Variants in GLRB observed in about 807,000 individuals in gnomAD.
The protein encoded by GLRB is glycine receptor subunit beta.
GLRB carries 33 observed loss-of-function variants against 54.2 expected under a neutral mutation model. The ratio of observed to expected loss-of-function variants is 0.61; its 90% confidence interval spans 0.46 to 0.81. The LOEUF (loss-of-function observed/expected upper bound fraction) is 0.81, where lower values mean the gene tolerates loss of function less well. GLRB is among the 40% of genes least tolerant of loss of function. GLRB has a pLI of 0.00. For synonymous variants in GLRB, 209 were observed against 208.2 expected, an observed-to-expected ratio of 1.00 and a Z score of -0.03; for missense variants, 572 against 584.6, an observed-to-expected ratio of 0.98 and a Z score of 0.22.
chr4:157,112,982 A>G (rs1389425694), intron 2 of GLRB, among the ~76,000 whole-genome samples: 2 of 151,944 alleles, frequency 1.3e-5, no homozygotes, highest in African/African-American at 4.8e-5. Context: ...AAAGGTGAGT[A>G]TACTGAAGCT....
intron 9 of GLRB, among the ~76,000 whole-genome samples, chr4:157,162,626 C>T (rs1216696750): frequency 1.3e-5 from 2 of 152,186 alleles, no homozygotes; most frequent in South Asian, 4.1e-4. Context: ...GCCTGGGTAT[C>T]ACCAGCGGAG....
At chr4:157,114,325 G>A in intron 2 of GLRB, among the ~76,000 whole-genome samples, 1 of 149,662 alleles carries the variant, frequency 6.7e-6, no homozygotes, top group Admixed American at 6.7e-5. Context: ...GTCTTTCCTG[G>A]TCTCTCTCTC....
intron 2 of GLRB, among the ~76,000 whole-genome samples, chr4:157,117,735 G>A (rs1221875278): frequency 6.6e-6 from 1 of 151,594 alleles, no homozygotes; most frequent in African/African-American, 2.4e-5. Context: ...AGAAGAGATG[G>A]CAGATTGGAA....
At chr4:157,136,417 C>G in intron 4 of GLRB, 52 bp from the exon 5 acceptor site, 6 of 1,065,180 alleles carry the variant, frequency 5.6e-6, no homozygotes, top group Non-Finnish European at 8.8e-6. Flanking sequence ...CGAATAAGTT[C>G]TTAAAAATAG....
intron 7 of GLRB, among the ~76,000 whole-genome samples, chr4:157,143,325 C>T (rs764859546): frequency 2.6e-5 from 4 of 151,992 alleles, no homozygotes; most frequent in South Asian, 2.1e-4. Context: ...ATATGAGAGT[C>T]AGTGTATACT....
intron 4 of GLRB, among the ~76,000 whole-genome samples, chr4:157,126,102 G>A (rs1229349579): frequency 6.6e-6 from 1 of 151,840 alleles, no homozygotes; most frequent in Non-Finnish European, 1.5e-5. Flanking sequence ...AGGAAGAGGG[G>A]CAGCCCATTT....
In GLRB at chr4:157,149,824, A is replaced by G. The variant is rs139047392; in HGVS notation, c.905-2894A>G. Among the ~76,000 whole-genome samples the G allele has an allele frequency of 2.1e-3, 319 of 151,834 alleles. 1 individual carries two copies. The highest frequency in any genetic ancestry group is 7.1e-3 in the African/African-American group (294 of 41,458). On this transcript the variant is annotated intron_variant, in intron 8 of 9. Transcript: ENST00000264428. ...AAATGCCATACTGTCTCTGCCTTCC[A>G]TTTCTTTTCTTTTCCTTTCTTTCTT...
At chr4:157,113,382 G>A (rs1027992175) in intron 2 of GLRB, among the ~76,000 whole-genome samples, 7 of 151,946 alleles carry the variant, frequency 4.6e-5, no homozygotes, top group Admixed American at 1.3e-4. Context: ...AAAGAGGTTT[G>A]GAGATCATTA....
At chr4:157,110,186 C>T (rs1010168159) in intron 2 of GLRB, among the ~76,000 whole-genome samples, 1 of 151,934 alleles carries the variant, frequency 6.6e-6, no homozygotes, top group Non-Finnish European at 1.5e-5. Context: ...TGCCAGTCAT[C>T]TTATTAGCAT....
At position 157,136,556 on chromosome 4, in the gene GLRB, A is replaced by G. The variant is rs560221872; in HGVS notation, c.385A>G (p.Thr129Ala). ...TGATTTTAGGGGTTCAGATGCACTG[A>G]CAGTGGATCCAACAATGTACAAGTG... The part of the protein sequence containing the change: ...PSDFRGSDAL[T>A]VDPTMYKCLW... The change falls in exon 5 of 10, where the codon ACA becomes GCA. Residue 129 changes from threonine to alanine, a missense_variant. Physicochemically the swap from Thr to Ala is moderately conservative, Grantham distance 58. Coordinates refer to ENST00000264428, the MANE Select transcript of GLRB (RefSeq NM_000824.5). 5 of 1,610,218 alleles carry G rather than the reference A, an allele frequency of 3.1e-6. No homozygotes were observed. The highest frequency in any genetic ancestry group is 2.7e-5 in the African/African-American group (2 of 74,968).
intron 2 of GLRB, among the ~76,000 whole-genome samples, chr4:157,111,286 T>C (rs1735410090): frequency 6.6e-6 from 1 of 152,026 alleles, no homozygotes; most frequent in Non-Finnish European, 1.5e-5. Flanking sequence ...CTGTGGCATG[T>C]CTTCATGCTA....
At chr4:157,139,214 ACT>A (rs1736522728) in intron 7 of GLRB, among the ~76,000 whole-genome samples, 1 of 151,450 alleles carries the variant, frequency 6.6e-6, no homozygotes, top group Non-Finnish European at 1.5e-5. Context: ...AGTAATGAAA[ACT>A]CTCTCAGGTA....
chr4:157,082,053 CT>C (rs1346443044), intron 2 of GLRB, among the ~76,000 whole-genome samples: 1 of 152,112 alleles, frequency 6.6e-6, no homozygotes, highest in Non-Finnish European at 1.5e-5. Context: ...TGTTTTTCTT[CT>C]TTTTAGTTAG....
intron 2 of GLRB, among the ~76,000 whole-genome samples, chr4:157,091,550 A>G (rs917171155): frequency 6.6e-5 from 10 of 152,212 alleles, no homozygotes; most frequent in African/African-American, 1.9e-4. Flanking sequence ...CAGTAACAGA[A>G]TGTGTAACAC....
At chr4:157,100,582 A>G (rs1734982487) in intron 2 of GLRB, among the ~76,000 whole-genome samples, 1 of 152,140 alleles carries the variant, frequency 6.6e-6, no homozygotes, top group African/African-American at 2.4e-5. Flanking sequence ...TGTATATTTT[A>G]GAGTTAGCTT....
intron 2 of GLRB, among the ~76,000 whole-genome samples, chr4:157,089,295 A>T (rs1734522596): frequency 6.6e-6 from 1 of 152,062 alleles, no homozygotes; most frequent in Admixed American, 6.6e-5. Context: ...GCTGCTTGGG[A>T]GGCTGAGGTG....
At chr4:157,138,276 A>G (rs1231404814) in intron 6 of GLRB, among the ~76,000 whole-genome samples, 1 of 152,056 alleles carries the variant, frequency 6.6e-6, no homozygotes, top group Non-Finnish European at 1.5e-5. Context: ...GGGTTTCACT[A>G]TATTGGCCAG....
At chr4:157,114,125 G>T (rs1735518083) in intron 2 of GLRB, among the ~76,000 whole-genome samples, 1 of 151,902 alleles carries the variant, frequency 6.6e-6, no homozygotes, top group South Asian at 2.1e-4. Flanking sequence ...ATTGCATACA[G>T]ATGGAAATGT....
chr4:157,102,337 C>T (rs968196974), intron 2 of GLRB, among the ~76,000 whole-genome samples: 7 of 152,154 alleles, frequency 4.6e-5, no homozygotes, highest in Non-Finnish European at 1.0e-4. Context: ...AATGGCAACT[C>T]CCCATTTTCC....
Sources: gnomAD v4.1 joint callset for allele counts (sites outside exome capture counted in the v4.1 genomes callset) on GRCh38, gnomAD v4.1.1 for gene constraint, MANE v1.5 for transcripts, NCBI Gene and HGNC (gene_info 2026-07-23, HGNC 2026-07-21) for gene names.